The following DACH2 variants were observed in gnomAD, a reference collection of about 807,000 sequenced individuals.
The protein encoded by DACH2 is dachshund homolog 2.
In DACH2, 17 loss-of-function variants were observed where a neutral mutation model predicts 35.8. The observed-to-expected ratio is 0.48, with a 90% confidence interval of 0.33 to 0.71. The LOEUF (loss-of-function observed/expected upper bound fraction) is 0.71. DACH2 is among the 30% of genes least tolerant of loss of function. DACH2 has a pLI of 0.02. For synonymous variants in DACH2, 195 were observed against 177.3 expected (o/e 1.10, Z -0.79); for missense variants, 469 against 472.7 (o/e 0.99, Z 0.07).
intron 2 of DACH2, among the ~76,000 whole-genome samples, chrX:86,399,987 G>C (rs1191890352): frequency 1.8e-5 from 2 of 111,748 alleles, no homozygotes; most frequent in African/African-American, 6.5e-5. Flanking sequence ...TTCCAACTTG[G>C]TTCCATTCTC....
intron 7 of DACH2, among the ~76,000 whole-genome samples, chrX:86,791,799 C>CT (rs949862475): frequency 8.9e-6 from 1 of 111,739 alleles, no homozygotes; most frequent in Non-Finnish European, 1.9e-5. Flanking sequence ...TAATTTAAGT[C>CT]TAACTAGAGA....
chrX:86,538,292 C>A (rs931809646), intron 3 of DACH2, among the ~76,000 whole-genome samples: 2 of 111,466 alleles, frequency 1.8e-5, no homozygotes, highest in Non-Finnish European at 3.8e-5. Flanking sequence ...TTCTACAATT[C>A]TTTTCTTTTG....
intron 1 of DACH2, among the ~76,000 whole-genome samples, chrX:86,180,424 T>A (rs1366760649): frequency 1.8e-5 from 2 of 108,395 alleles, no homozygotes; most frequent in Admixed American, 1.0e-4. Flanking sequence ...TGGAGTATTT[T>A]AAAAAATATA....
At chrX:86,641,125 A>G (rs907129970) in intron 3 of DACH2, among the ~76,000 whole-genome samples, 1 of 112,131 alleles carries the variant, frequency 8.9e-6, no homozygotes, top group Non-Finnish European at 1.9e-5. Context: ...TAACAGAAAT[A>G]GAATTCAGAA....
At chrX:86,390,666 T>C (rs2036186454) in intron 2 of DACH2, among the ~76,000 whole-genome samples, 2 of 110,656 alleles carry the variant, frequency 1.8e-5, no homozygotes, top group Admixed American at 1.9e-4. Flanking sequence ...CTCAGCTCAC[T>C]GCAACCTCCG....
At chrX:86,507,718 C>T (rs1489514796) in intron 2 of DACH2, among the ~76,000 whole-genome samples, 1 of 111,701 alleles carries the variant, frequency 9.0e-6, no homozygotes, top group Non-Finnish European at 1.9e-5. Context: ...ATCATTTAGA[C>T]TTTATTTTGT....
intron 2 of DACH2, among the ~76,000 whole-genome samples, chrX:86,432,599 G>T (rs1374079008): frequency 8.9e-6 from 1 of 111,943 alleles, no homozygotes; most frequent in Non-Finnish European, 1.9e-5. Flanking sequence ...AATTTTGGTT[G>T]TTGGGCCAGA....
chrX:86,294,733 A>G (rs770185864), intron 1 of DACH2, among the ~76,000 whole-genome samples: 5,205 of 108,598 alleles, frequency 0.048, 358 homozygotes, highest in African/African-American at 0.16. Context: ...TAGGCTGCTC[A>G]GGGGTCAGGG....
chrX:86,403,888 C>A (rs2036478189), intron 2 of DACH2, among the ~76,000 whole-genome samples: 1 of 110,807 alleles, frequency 9.0e-6, no homozygotes, highest in Non-Finnish European at 1.9e-5. Context: ...TGGGAGGACT[C>A]AGGAGACTTA....
At chrX:86,488,104 A>G (rs2038044571) in intron 2 of DACH2, among the ~76,000 whole-genome samples, 1 of 112,008 alleles carries the variant, frequency 8.9e-6, no homozygotes, top group Non-Finnish European at 1.9e-5. Flanking sequence ...GTTTCCATTT[A>G]TTGTTGCTTC....
At chrX:86,350,366 T>C (rs1203328730) in intron 1 of DACH2, among the ~76,000 whole-genome samples, 1 of 18,775 alleles carries the variant, frequency 5.3e-5, no homozygotes, top group Non-Finnish European at 8.1e-5. Context: ...GTGCAGAAGC[T>C]CTTTAGTTTA....
intron 4 of DACH2, among the ~76,000 whole-genome samples, chrX:86,665,390 G>A (rs1197152594): frequency 9.0e-6 from 1 of 111,702 alleles, no homozygotes; most frequent in Non-Finnish European, 1.9e-5. Context: ...AAAGAATCAA[G>A]TGTGTCTCTT....
At chrX:86,682,699 A>G (rs769882941) in intron 4 of DACH2, among the ~76,000 whole-genome samples, 30 of 111,887 alleles carry the variant, frequency 2.7e-4, no homozygotes, top group Non-Finnish European at 5.5e-4. Flanking sequence ...GTGTAATACA[A>G]GTGAAAGATC....
intron 2 of DACH2, among the ~76,000 whole-genome samples, chrX:86,484,292 C>T (rs1477181781): frequency 9.0e-6 from 1 of 111,719 alleles, no homozygotes. Flanking sequence ...GTTTCCTAAG[C>T]GTGCTTGGGG....
At chrX:86,366,710 A>G (rs1290371270) in intron 1 of DACH2, among the ~76,000 whole-genome samples, 1 of 110,726 alleles carries the variant, frequency 9.0e-6, no homozygotes, top group Non-Finnish European at 1.9e-5. Context: ...GTGGGGGTAG[A>G]TCCCTCATGA....
At chrX:86,282,879 G>A (rs1479920596) in intron 1 of DACH2, among the ~76,000 whole-genome samples, 2 of 38,902 alleles carry the variant, frequency 5.1e-5, no homozygotes, top group Non-Finnish European at 7.5e-5. Flanking sequence ...CCGGGTTCAC[G>A]CCATTCTCCT....
At chrX:86,640,695 C>T (rs992118822) in intron 3 of DACH2, among the ~76,000 whole-genome samples, 1 of 110,987 alleles carries the variant, frequency 9.0e-6, no homozygotes, top group African/African-American at 3.3e-5. Context: ...GGAGAGGAAG[C>T]CACCCTTTCA....
At chrX:86,431,913 T>C (rs762460489) in intron 2 of DACH2, among the ~76,000 whole-genome samples, 1 of 111,848 alleles carries the variant, frequency 8.9e-6, no homozygotes, top group East Asian at 2.8e-4. Flanking sequence ...TCTAGGATAA[T>C]ATTGGGGCAA....
chrX:86,360,715 T>TA (rs1298176799), intron 1 of DACH2, among the ~76,000 whole-genome samples: 1 of 110,841 alleles, frequency 9.0e-6, no homozygotes, highest in African/African-American at 3.3e-5. Context: ...TCTTTGATAG[T>TA]AAAAAATTTT....
Sources: allele counts gnomAD v4.1 joint callset (sites outside exome capture counted in the v4.1 genomes callset), GRCh38; gene constraint gnomAD v4.1.1; transcripts MANE v1.5; gene names NCBI Gene and HGNC (gene_info 2026-07-23, HGNC 2026-07-21).